The following NOL4 variants were observed in gnomAD, a reference collection of about 807,000 sequenced individuals.
NOL4 encodes cancer/testis antigen 125.
In NOL4, 17 loss-of-function variants were observed where a neutral mutation model predicts 75.9. The observed-to-expected ratio is 0.22, with a 90% CI of 0.15 to 0.34. The LOEUF (loss-of-function observed/expected upper bound fraction) is 0.34, where lower values mean the gene tolerates loss of function less well. Among genes scored for constraint, NOL4 ranks in the 10% least tolerant of loss-of-function variants. The probability of loss-of-function intolerance (pLI) is 1.00; values close to 1 mark genes in which losing one functional copy is unlikely to be tolerated. For missense variants in NOL4, 614 were observed against 793.5 expected (o/e 0.77, Z 2.72); for synonymous variants, 292 against 289.9 (o/e 1.01, Z -0.07).
chr18:34,050,128 A>T (rs1266849754), intron 5 of NOL4, among the ~76,000 whole-genome samples: 2 of 152,152 alleles, frequency 1.3e-5, no homozygotes, highest in Non-Finnish European at 2.9e-5. Context: ...TCCAGGATAC[A>T]TATGTACCCA....
At chr18:34,192,034 T>C (rs2034956275) in intron 1 of NOL4, among the ~76,000 whole-genome samples, 1 of 152,144 alleles carries the variant, frequency 6.6e-6, no homozygotes, top group Non-Finnish European at 1.5e-5. Flanking sequence ...TGCTAAGCTA[T>C]CAGATGTACA....
chr18:34,012,252 A>G (rs527322749), intron 6 of NOL4, among the ~76,000 whole-genome samples: 2 of 152,028 alleles, frequency 1.3e-5, no homozygotes, highest in Non-Finnish European at 2.9e-5. Flanking sequence ...TTAAAGTTGT[A>G]TTATTCTATA....
At chr18:33,853,116 G>T in intron 10 of NOL4, 81 bp from the exon 11 acceptor site, 1 of 1,164,450 alleles carries the variant, frequency 8.6e-7, no homozygotes. Context: ...ATAAATTATA[G>T]TTGAATGAAT....
intron 5 of NOL4, among the ~76,000 whole-genome samples, chr18:34,089,705 A>T: frequency 1.3e-5 from 2 of 152,188 alleles, no homozygotes; most frequent in East Asian, 3.8e-4. Context: ...CCCACAAGGG[A>T]CATTTGCAAC....
intron 9 of NOL4, among the ~76,000 whole-genome samples, chr18:33,890,517 A>G (rs963772227): frequency 6.6e-6 from 1 of 152,164 alleles, no homozygotes; most frequent in African/African-American, 2.4e-5. Context: ...AGAATTGGAA[A>G]AAACTTTAAA....
chr18:34,025,378 T>C (rs1254657970), intron 5 of NOL4, among the ~76,000 whole-genome samples: 2 of 152,094 alleles, frequency 1.3e-5, no homozygotes, highest in Admixed American at 6.5e-5. Flanking sequence ...GTTTGGAAAA[T>C]CAAGAATCTT....
chr18:33,937,189 C>T (rs1468698280), intron 9 of NOL4, among the ~76,000 whole-genome samples: 1 of 152,052 alleles, frequency 6.6e-6, no homozygotes, highest in African/African-American at 2.4e-5. Flanking sequence ...AAATCTGATT[C>T]CTGATGAAGG....
intron 9 of NOL4, among the ~76,000 whole-genome samples, chr18:33,896,405 A>T (rs1203761680): frequency 6.6e-6 from 1 of 152,180 alleles, no homozygotes; most frequent in East Asian, 1.9e-4. Flanking sequence ...TACAGTAACC[A>T]AATCATGATA....
chr18:34,097,247 A>C (rs967817113), intron 4 of NOL4, among the ~76,000 whole-genome samples: 3 of 152,130 alleles, frequency 2.0e-5, no homozygotes, highest in African/African-American at 7.2e-5. Context: ...CTTAAAAACC[A>C]CTCCCACCAA....
chr18:34,010,437 C>T (rs550255287), intron 6 of NOL4, among the ~76,000 whole-genome samples: 21 of 151,946 alleles, frequency 1.4e-4, no homozygotes, highest in African/African-American at 4.8e-4. Flanking sequence ...ATCTTAGCAA[C>T]TGTGAATAGT....
At chr18:34,064,088 T>C (rs1415886670) in intron 5 of NOL4, among the ~76,000 whole-genome samples, 1 of 152,008 alleles carries the variant, frequency 6.6e-6, no homozygotes, top group Non-Finnish European at 1.5e-5. Context: ...TGAAATCAAA[T>C]ATAACCTACA....
intron 6 of NOL4, among the ~76,000 whole-genome samples, chr18:34,015,711 C>T (rs1189139810): frequency 6.6e-6 from 1 of 152,084 alleles, no homozygotes; most frequent in Admixed American, 6.6e-5. Flanking sequence ...TACCTTTCTT[C>T]AGAGCTGACA....
intron 1 of NOL4, among the ~76,000 whole-genome samples, chr18:34,145,432 C>T (rs1367029540): frequency 1.3e-5 from 2 of 150,702 alleles, no homozygotes; most frequent in Non-Finnish European, 3.0e-5. Context: ...TTATAAACAA[C>T]AAATAAAAGA....
intron 6 of NOL4, among the ~76,000 whole-genome samples, chr18:34,010,067 A>C (rs1010769943): frequency 6.6e-6 from 1 of 151,616 alleles, no homozygotes; most frequent in Admixed American, 6.6e-5. Context: ...TCTTGACCCC[A>C]GCTAACCCTA....
intron 1 of NOL4, 118 bp downstream of exon 1, chr18:34,222,872 T>C: frequency 2.2e-6 from 3 of 1,354,592 alleles, no homozygotes; most frequent in South Asian, 1.3e-5. Flanking sequence ...TTGAGGAAGG[T>C]AGGGGGCACA....
intron 6 of NOL4, among the ~76,000 whole-genome samples, chr18:33,989,730 G>T (rs561994592): frequency 1.4e-4 from 21 of 152,198 alleles, no homozygotes; most frequent in African/African-American, 4.8e-4. Context: ...TATTAGAATA[G>T]TTCCTGGCAT....
rs536366045 is a variant in NOL4 at position 34,164,257 on chromosome 18, C to A, written c.265-34237G>T. Among the ~76,000 whole-genome samples the A allele has an allele frequency of 3.1e-4, 47 of 151,382 alleles. 1 individual carries two copies. The highest frequency in any genetic ancestry group is 3.4e-3 in the Middle Eastern group (1 of 294). On this transcript the variant is annotated intron_variant, in intron 1 of 10. Coordinates refer to ENST00000261592, the MANE Select transcript of NOL4 (RefSeq NM_003787.5). ...TTGACAAATGGGATCTAATTAAACA[C>A]AAGAGCTTCTGCACAGCAAAAGAAA...
intron 1 of NOL4, among the ~76,000 whole-genome samples, chr18:34,186,799 C>G (rs2034492829): frequency 2.6e-5 from 4 of 152,124 alleles, no homozygotes; most frequent in Admixed American, 2.0e-4. Context: ...TGTTGGCACT[C>G]TGCAAAATTT....
intron 10 of NOL4, among the ~76,000 whole-genome samples, chr18:33,862,513 C>A (rs1308668236): frequency 7.9e-5 from 12 of 152,046 alleles, no homozygotes; most frequent in Admixed American, 6.6e-4. Context: ...ATTTTCGCAA[C>A]CTACTCATCT....
Sources: allele counts gnomAD v4.1 joint callset (sites outside exome capture counted in the v4.1 genomes callset), GRCh38; gene constraint gnomAD v4.1.1; transcripts MANE v1.5; gene names NCBI Gene and HGNC (gene_info 2026-07-23, HGNC 2026-07-21).